The following PID1 variants were observed in gnomAD, a reference collection of about 807,000 sequenced individuals.
PID1 encodes PTB-containing, cubilin and LRP1-interacting protein.
A neutral mutation model predicts 19.1 loss-of-function variants in PID1; 10 were observed. That is an observed-to-expected ratio of 0.52 (90% CI 0.32 to 0.89). The LOEUF is 0.89. Ranked by LOEUF, PID1 falls within the 40% of genes least tolerant of loss-of-function variation. The probability of loss-of-function intolerance (pLI) is 0.03; values close to 1 mark genes in which losing one functional copy is unlikely to be tolerated. For missense variants in PID1, 248 were observed against 285.3 expected (o/e 0.87, Z 0.94); for synonymous variants, 130 against 116.0 (o/e 1.12, Z -0.78).
chr2:229,144,851 T>G (rs73998567), intron 2 of PID1, among the ~76,000 whole-genome samples: 20,731 of 151,976 alleles, frequency 0.14, 1,700 homozygotes, highest in East Asian at 0.28. Flanking sequence ...TTCACTGTTA[T>G]TTGATGTTTT....
chr2:229,148,512 TG>T (rs979971971), intron 2 of PID1, among the ~76,000 whole-genome samples: 7 of 152,308 alleles, frequency 4.6e-5, no homozygotes, highest in Non-Finnish European at 8.8e-5. Context: ...AAGTTCCTGC[TG>T]GGGACGAGGA....
intron 1 of PID1, among the ~76,000 whole-genome samples, chr2:229,218,579 G>C (rs1036183113): frequency 6.6e-6 from 1 of 152,196 alleles, no homozygotes; most frequent in African/African-American, 2.4e-5. Flanking sequence ...AAGCAGGATG[G>C]TGCAGACAGG....
At chr2:229,073,991 C>T (rs767711333) in intron 2 of PID1, among the ~76,000 whole-genome samples, 1 of 152,246 alleles carries the variant, frequency 6.6e-6, no homozygotes, top group Non-Finnish European at 1.5e-5. Context: ...TGGGGCCATA[C>T]TTACCTCCCT....
intron 1 of PID1, among the ~76,000 whole-genome samples, chr2:229,258,113 A>C (rs1690352899): frequency 6.6e-6 from 1 of 152,198 alleles, no homozygotes; most frequent in Admixed American, 6.5e-5. Flanking sequence ...CAGGGCTGGA[A>C]AAGGTCTCAG....
At chr2:229,224,264 C>T (rs1267838817) in intron 1 of PID1, among the ~76,000 whole-genome samples, 3 of 152,164 alleles carry the variant, frequency 2.0e-5, no homozygotes, top group Non-Finnish European at 2.9e-5. Flanking sequence ...CTGTGGAAAG[C>T]AGTTTGGAGA....
At chr2:229,174,081 C>T (rs1690764206) in intron 1 of PID1, among the ~76,000 whole-genome samples, 1 of 152,172 alleles carries the variant, frequency 6.6e-6, no homozygotes, top group African/African-American at 2.4e-5. Context: ...GCTACTTGCA[C>T]ATAATTCCTT....
intron 1 of PID1, among the ~76,000 whole-genome samples, chr2:229,209,076 T>C (rs2106247542): frequency 6.6e-6 from 1 of 152,290 alleles, no homozygotes; most frequent in Non-Finnish European, 1.5e-5. Context: ...GGATTAACAC[T>C]GTCAGACTGT....
rs1167791690 is a variant in PID1 at position 229,025,644 on chromosome 2, G to A, written c.642C>T (p.Ser214=). 25 of 1,608,688 alleles carry A rather than the reference G, an allele frequency of 1.6e-5. No individual in the cohort carries two copies. Among genetic ancestry groups the A allele is most frequent in the East Asian group, 4.5e-5 (2 of 44,686 alleles). Residue 214 remains serine (S), a synonymous_variant, in exon 3 of 3, where the codon TCC becomes TCT. Transcript: ENST00000392055. ...GTCTCAAGTTCATTCAGCCATCATC[G>A]GATTCCAATTCCTGGGAAACCTCTT... ...SSEEVSQELE[S]DDG
chr2:229,197,291 C>T (rs888006770), intron 1 of PID1, among the ~76,000 whole-genome samples: 11 of 151,446 alleles, frequency 7.3e-5, no homozygotes, highest in Non-Finnish European at 1.3e-4. Flanking sequence ...AAAACCTTTG[C>T]AAGAAAAAAA....
At chr2:229,064,540 T>C (rs1276096857) in intron 2 of PID1, among the ~76,000 whole-genome samples, 2 of 152,198 alleles carry the variant, frequency 1.3e-5, no homozygotes, top group Non-Finnish European at 2.9e-5. Context: ...CATTGAACTT[T>C]CTTTTGACTT....
chr2:229,185,384 G>A (rs934830644), intron 1 of PID1, among the ~76,000 whole-genome samples: 3 of 152,002 alleles, frequency 2.0e-5, no homozygotes, highest in African/African-American at 7.2e-5. Flanking sequence ...ATCCCCTCCT[G>A]TCTACTTAGG....
At chr2:229,054,603 T>A (rs188407378) in intron 2 of PID1, among the ~76,000 whole-genome samples, 105 of 151,760 alleles carry the variant, frequency 6.9e-4, no homozygotes, top group African/African-American at 2.5e-3. Flanking sequence ...GTACATTGTC[T>A]AGACCCTAGA....
At chr2:229,029,061 T>G (rs868167087) in intron 2 of PID1, among the ~76,000 whole-genome samples, 11 of 151,430 alleles carry the variant, frequency 7.3e-5, no homozygotes, top group Admixed American at 1.3e-4. Flanking sequence ...CAACAGACAC[T>G]GGGGACCACC....
At chr2:229,064,874 AG>A (rs929133934) in intron 2 of PID1, among the ~76,000 whole-genome samples, 16 of 152,144 alleles carry the variant, frequency 1.1e-4, no homozygotes, top group Non-Finnish European at 2.2e-4. Context: ...CCATAAATGT[AG>A]ACTATATAAA....
chr2:229,141,374 T>C (rs1690007523), intron 2 of PID1, among the ~76,000 whole-genome samples: 2 of 152,032 alleles, frequency 1.3e-5, no homozygotes, highest in African/African-American at 2.4e-5. Flanking sequence ...AGGAAATCTC[T>C]GGAAGGAGAA....
chr2:229,154,525 T>C (rs1690325608), intron 2 of PID1, among the ~76,000 whole-genome samples: 1 of 152,206 alleles, frequency 6.6e-6, no homozygotes, highest in Non-Finnish European at 1.5e-5. Context: ...TTGCCCACAC[T>C]GTGACACTAT....
chr2:229,061,054 T>C (rs58345097), intron 2 of PID1, among the ~76,000 whole-genome samples: 2,377 of 152,252 alleles, frequency 0.016, 50 homozygotes, highest in African/African-American at 0.049. Context: ...TCTCCCAGTC[T>C]GTGCATTGCC....
intron 1 of PID1, among the ~76,000 whole-genome samples, chr2:229,204,740 G>A (rs1277291421): frequency 1.3e-5 from 2 of 152,102 alleles, no homozygotes; most frequent in East Asian, 3.9e-4. Flanking sequence ...TGTAACCTCA[G>A]AACAGTGAGG....
chr2:229,250,180 G>T (rs763062808), intron 1 of PID1, among the ~76,000 whole-genome samples: 7 of 152,180 alleles, frequency 4.6e-5, no homozygotes, highest in Non-Finnish European at 7.4e-5. Flanking sequence ...AAAAGGAAAA[G>T]AAGGTATAAA....
Sources: gnomAD v4.1 joint callset for allele counts (sites outside exome capture counted in the v4.1 genomes callset) on GRCh38, gnomAD v4.1.1 for gene constraint, MANE v1.5 for transcripts, NCBI Gene and HGNC (gene_info 2026-07-23, HGNC 2026-07-21) for gene names.